The following TBC1D5 variants were observed in gnomAD, a reference collection of about 807,000 sequenced individuals.
The protein encoded by TBC1D5 is TBC1 domain family member 5.
In TBC1D5, 75 loss-of-function variants were observed where a neutral mutation model predicts 100.3. The observed-to-expected ratio is 0.75, with a 90% CI of 0.62 to 0.91. TBC1D5 has a LOEUF of 0.91. TBC1D5 is among the 40% of genes least tolerant of loss of function. The pLI is 0.00. For synonymous variants in TBC1D5, 323 were observed against 325.6 expected (o/e 0.99, Z 0.09); for missense variants, 910 against 942.4 (o/e 0.97, Z 0.45).
rs77673243 is a variant in TBC1D5, at chr3:17,503,338, T to A, written c.97+5136A>T. ...TTGATCCACCATTACCACAGTTGGA[T>A]TCTCTACCAATATACTCACTGTGCA... On this transcript the variant is annotated intron_variant, in intron 3 of 21. Coordinates refer to ENST00000253692, the Ensembl canonical transcript of TBC1D5. Among the ~76,000 whole-genome samples, 579 of 149,670 alleles carry A rather than the reference T, an allele frequency of 3.9e-3. 63 individuals carry two copies. The highest frequency in any genetic ancestry group is 0.014 in the African/African-American group (563 of 39,448).
At chr3:17,444,359 CTACA>C in intron 3 of TBC1D5, among the ~76,000 whole-genome samples, 1 of 152,126 alleles carries the variant, frequency 6.6e-6, no homozygotes, top group South Asian at 2.1e-4. Context: ...AATTTACATA[CTACA>C]TAAACAATTT....
At chr3:17,392,707 T>C (rs2093388499) in intron 8 of TBC1D5, among the ~76,000 whole-genome samples, 1 of 152,178 alleles carries the variant, frequency 6.6e-6, no homozygotes, top group Non-Finnish European at 1.5e-5. Flanking sequence ...TCCTTTTTTA[T>C]GGCTGCATAG....
At chr3:17,689,359 G>A (rs578053737) in intron 1 of TBC1D5, among the ~76,000 whole-genome samples, 18 of 151,954 alleles carry the variant, frequency 1.2e-4, no homozygotes, top group East Asian at 3.9e-4. Flanking sequence ...ACAACATGGC[G>A]AAACCCCGTC....
At chr3:17,186,769 T>C (rs995170715) in intron 18 of TBC1D5, among the ~76,000 whole-genome samples, 16 of 53,852 alleles carry the variant, frequency 3.0e-4, no homozygotes, top group Non-Finnish European at 6.8e-4. Flanking sequence ...GAAAAGAAAA[T>C]AGACATAATA....
chr3:17,401,400 T>C (rs1401516708), intron 8 of TBC1D5, among the ~76,000 whole-genome samples: 1 of 150,982 alleles, frequency 6.6e-6, no homozygotes, highest in East Asian at 1.9e-4. Flanking sequence ...TGTATATGTA[T>C]ATATGTATCT....
At position 17,443,284 on chromosome 3, in the gene TBC1D5, C is replaced by T. The variant is rs535942071; in HGVS notation, c.98-14765G>A. Among the ~76,000 whole-genome samples, 7 of 152,296 alleles carry T rather than the reference C, an allele frequency of 4.6e-5. No individual in the cohort carries two copies. In the South Asian group the frequency reaches 1.4e-3, roughly 32 times the overall value. On this transcript the variant is annotated intron_variant, in intron 3 of 21. Coordinates refer to ENST00000253692, the Ensembl canonical transcript of TBC1D5. ...ACAGCGGTCAGGTCTCACTTGCACT[C>T]CGAGCTAAGTAATTATCTCTTGAAG...
chr3:17,702,869 T>C (rs1475657107), intron 1 of TBC1D5, among the ~76,000 whole-genome samples: 5 of 152,160 alleles, frequency 3.3e-5, no homozygotes, highest in Admixed American at 3.3e-4. Context: ...TTGTCATCCA[T>C]ACTTAATCAT....
At chr3:17,447,796 T>C (rs2094834449) in intron 3 of TBC1D5, among the ~76,000 whole-genome samples, 1 of 152,224 alleles carries the variant, frequency 6.6e-6, no homozygotes, top group Non-Finnish European at 1.5e-5. Flanking sequence ...ATCATCAAAG[T>C]AGATAATAAC....
chr3:17,437,571 T>C lies in TBC1D5; in HGVS notation c.98-9052A>G, dbSNP rs916620480. 2.7e-5 allele frequency among the ~76,000 whole-genome samples: 4 copies of C among 149,780 alleles called. No homozygotes were observed. In the South Asian group the frequency reaches 8.6e-4, roughly 32 times the overall value. ...TATATAGGTAGTATGCATGTGTGTG[T>C]GTGTGTGTGTGTGGTGGGATGGAAA... On this transcript the variant is annotated intron_variant, in intron 3 of 21. Coordinates refer to ENST00000253692, the Ensembl canonical transcript of TBC1D5.
At chr3:17,705,954 C>T (rs1052580071) in intron 1 of TBC1D5, 65 of 1,316,054 alleles carry the variant, frequency 4.9e-5, no homozygotes, top group Admixed American at 1.0e-4. Flanking sequence ...CGCTGCCTCC[C>T]GGGCGGCGCT....
intron 1 of TBC1D5, among the ~76,000 whole-genome samples, chr3:17,723,031 G>A (rs2075829834): frequency 6.6e-6 from 1 of 152,104 alleles, no homozygotes; most frequent in Non-Finnish European, 1.5e-5. Context: ...CATTATTGGG[G>A]TGAAATTGGT....
chr3:17,338,626 AC>A (rs1238911229), intron 13 of TBC1D5: 3 of 152,234 alleles, frequency 2.0e-5, no homozygotes, highest in African/African-American at 7.2e-5. Context: ...CATTAGCAAC[AC>A]GAAAATAAGT....
At chr3:17,200,317 G>T (rs1227097684) in intron 18 of TBC1D5, among the ~76,000 whole-genome samples, 3 of 152,232 alleles carry the variant, frequency 2.0e-5, no homozygotes, top group Non-Finnish European at 4.4e-5. Context: ...ACCAGTAGTT[G>T]TTCGCGGCCT....
chr3:17,715,529 G>A (rs2075151394), intron 1 of TBC1D5, among the ~76,000 whole-genome samples: 1 of 152,184 alleles, frequency 6.6e-6, no homozygotes, highest in African/African-American at 2.4e-5. Context: ...TGGAGGCCAG[G>A]CATGGTGGCT....
chr3:17,249,591 T>C (rs562490733), intron 16 of TBC1D5, among the ~76,000 whole-genome samples: 7 of 152,352 alleles, frequency 4.6e-5, no homozygotes, highest in Non-Finnish European at 1.0e-4. Context: ...TAAAACTCCC[T>C]GAGCCCTCCC....
At chr3:17,400,822 C>T (rs990520339) in intron 8 of TBC1D5, among the ~76,000 whole-genome samples, 2 of 152,222 alleles carry the variant, frequency 1.3e-5, no homozygotes. Context: ...TTCCTGCCCT[C>T]GAACATCAGA....
chr3:17,440,364 A>G (rs11128831), intron 3 of TBC1D5, among the ~76,000 whole-genome samples: 13,857 of 152,138 alleles, frequency 0.091, 1,427 homozygotes, highest in African/African-American at 0.26. Flanking sequence ...AGTGGCTCAC[A>G]CCTGTAATTC....
At chr3:17,599,702 A>C (rs9310525) in intron 2 of TBC1D5, among the ~76,000 whole-genome samples, 118,512 of 152,074 alleles carry the variant, frequency 0.78, 47,095 homozygotes, top group African/African-American at 0.95. Context: ...GTCATGGGTC[A>C]AGAGGAGCCC....
intron 15 of TBC1D5, among the ~76,000 whole-genome samples, chr3:17,265,613 C>G (rs1159592452): frequency 6.6e-6 from 1 of 152,084 alleles, no homozygotes; most frequent in African/African-American, 2.4e-5. Flanking sequence ...CTCAGGACCC[C>G]AAAGGCAAAG....
Sources: allele counts gnomAD v4.1 joint callset (sites outside exome capture counted in the v4.1 genomes callset), GRCh38; gene constraint gnomAD v4.1.1; transcripts MANE v1.5; gene names NCBI Gene and HGNC (gene_info 2026-07-23, HGNC 2026-07-21).